Variants in HCN1 observed in about 807,000 individuals in gnomAD.
HCN1 encodes hyperpolarization activated cyclic nucleotide gated potassium channel 1.
HCN1 carries 13 observed loss-of-function variants against 78.9 expected under a neutral mutation model. That is an observed-to-expected ratio of 0.16 (90% CI 0.11 to 0.26). HCN1 has a LOEUF of 0.26. Ranked by LOEUF, HCN1 falls within the 10% of genes least tolerant of loss-of-function variation. The pLI is 1.00. For missense variants in HCN1, 810 were observed against 1,154.3 expected (o/e 0.70, Z 4.32); for synonymous variants, 552 against 455.5 (o/e 1.21, Z -2.70).
intron 4 of HCN1, among the ~76,000 whole-genome samples, chr5:45,375,730 TTATGA>T (rs1343292575): frequency 8.5e-6 from 1 of 118,054 alleles, no homozygotes; most frequent in Non-Finnish European, 1.6e-5. Context: ...ATATCATATT[TTATGA>T]TATATCTTAT....
intron 2 of HCN1, among the ~76,000 whole-genome samples, chr5:45,489,320 G>A (rs1405218638): frequency 1.3e-5 from 2 of 152,060 alleles, no homozygotes; most frequent in African/African-American, 4.8e-5. Context: ...GATAACTTGG[G>A]GTTAAGAGCC....
intron 1 of HCN1, among the ~76,000 whole-genome samples, chr5:45,682,106 A>G (rs1220752971): frequency 6.6e-6 from 1 of 151,986 alleles, no homozygotes; most frequent in Non-Finnish European, 1.5e-5. Flanking sequence ...TGTGACAAGC[A>G]GACTCACACC....
intron 3 of HCN1, among the ~76,000 whole-genome samples, chr5:45,459,283 G>C (rs975918491): frequency 6.6e-6 from 1 of 151,236 alleles, no homozygotes; most frequent in Non-Finnish European, 1.5e-5. Context: ...ATAAGTTATG[G>C]CTTTTATATT....
intron 2 of HCN1, among the ~76,000 whole-genome samples, chr5:45,486,151 C>T (rs1181281533): frequency 3.3e-5 from 5 of 152,086 alleles, no homozygotes; most frequent in African/African-American, 1.2e-4. Flanking sequence ...CTCTATTTGG[C>T]ATGTAAGACA....
chr5:45,466,552 T>C (rs1232849510), intron 2 of HCN1, among the ~76,000 whole-genome samples: 1 of 152,146 alleles, frequency 6.6e-6, no homozygotes, highest in African/African-American at 2.4e-5. Context: ...GATTCTTCTG[T>C]TTCTCTTTAT....
At chr5:45,466,740 C>T (rs978119575) in intron 2 of HCN1, among the ~76,000 whole-genome samples, 3 of 152,028 alleles carry the variant, frequency 2.0e-5, no homozygotes, top group African/African-American at 7.2e-5. Flanking sequence ...CCTATTATAC[C>T]TCTGTGATTC....
chr5:45,323,959 A>C (rs999170949), intron 5 of HCN1, among the ~76,000 whole-genome samples: 3 of 151,918 alleles, frequency 2.0e-5, no homozygotes, highest in Non-Finnish European at 2.9e-5. Context: ...CCAGTCTATC[A>C]TTGTTGGACA....
intron 1 of HCN1, among the ~76,000 whole-genome samples, chr5:45,675,171 T>G (rs1746241979): frequency 6.6e-6 from 1 of 151,736 alleles, no homozygotes; most frequent in South Asian, 2.1e-4. Flanking sequence ...CTACAGATAA[T>G]GTGTAGAACC....
chr5:45,420,663 CTT>C (rs1163705504), intron 3 of HCN1, among the ~76,000 whole-genome samples: 1 of 152,164 alleles, frequency 6.6e-6, no homozygotes, highest in East Asian at 1.9e-4. Context: ...AACATAAAGT[CTT>C]TTTTTATTTC....
intron 4 of HCN1, among the ~76,000 whole-genome samples, chr5:45,383,526 C>T (rs1377265566): frequency 6.6e-6 from 1 of 152,100 alleles, no homozygotes; most frequent in Non-Finnish European, 1.5e-5. Flanking sequence ...GAAATCCCAT[C>T]TCTACTAAAA....
At chr5:45,535,891 C>G (rs1430979832) in intron 2 of HCN1, among the ~76,000 whole-genome samples, 1 of 152,138 alleles carries the variant, frequency 6.6e-6, no homozygotes, top group Non-Finnish European at 1.5e-5. Flanking sequence ...ACAAGGGTCT[C>G]TTAATGAAAA....
At chr5:45,673,676 T>G (rs1405917) in intron 1 of HCN1, among the ~76,000 whole-genome samples, 41,126 of 151,310 alleles carry the variant, frequency 0.27, 5,678 homozygotes, top group East Asian at 0.33. Context: ...GTATCACAAG[T>G]AGGGGTTAGA....
At chr5:45,378,446 T>C (rs1287067949) in intron 4 of HCN1, among the ~76,000 whole-genome samples, 1 of 152,092 alleles carries the variant, frequency 6.6e-6, no homozygotes, top group Non-Finnish European at 1.5e-5. Context: ...ATGTTCCATG[T>C]GAGTTTGAGA....
In HCN1 at chr5:45,480,945, T is replaced by C. The variant is rs144250346; in HGVS notation, c.850-18938A>G. On this transcript the variant is annotated intron_variant, in intron 2 of 7. Coordinates refer to ENST00000303230, the MANE Select transcript of HCN1 (RefSeq NM_021072.4). ...ATATGAATTTTGAAAATTATAATTC[T>C]ACACATTCAGAAAGCCCTAACCTAG... Among the ~76,000 whole-genome samples the C allele has an allele frequency of 7.2e-3, 1,101 of 152,328 alleles. 12 individuals carry two copies. Among genetic ancestry groups the C allele is most frequent in the African/African-American group, 0.025 (1,056 of 41,576 alleles).
chr5:45,290,461 GATATTA>G (rs1407290843), intron 6 of HCN1, among the ~76,000 whole-genome samples: 1 of 151,916 alleles, frequency 6.6e-6, no homozygotes, highest in Non-Finnish European at 1.5e-5. Flanking sequence ...TACTAAGTAA[GATATTA>G]CTGAAACACT....
intron 2 of HCN1, among the ~76,000 whole-genome samples, chr5:45,623,497 A>G (rs986065592): frequency 2.6e-5 from 4 of 152,200 alleles, no homozygotes; most frequent in Admixed American, 6.5e-5. Flanking sequence ...CAAGTACTAC[A>G]ATAATAGTAT....
chr5:45,445,483 G>T (rs1479194862), intron 3 of HCN1, among the ~76,000 whole-genome samples: 4 of 152,212 alleles, frequency 2.6e-5, no homozygotes, highest in African/African-American at 9.6e-5. Context: ...AAAGACAGTA[G>T]TAACCTCTGC....
chr5:45,364,429 T>C (rs1159371351), intron 4 of HCN1, among the ~76,000 whole-genome samples: 1 of 151,174 alleles, frequency 6.6e-6, no homozygotes, highest in Non-Finnish European at 1.5e-5. Flanking sequence ...TTTTCCTGCA[T>C]GTCTTCAAGT....
intron 6 of HCN1, among the ~76,000 whole-genome samples, chr5:45,301,722 TAAAAA>T (rs34604835): frequency 1.5e-5 from 2 of 130,258 alleles, no homozygotes; most frequent in Non-Finnish European, 3.3e-5. Flanking sequence ...CCCTGTCATT[TAAAAA>T]AAAAAAAAAA....
Sources: gnomAD v4.1 joint callset for allele counts (sites outside exome capture counted in the v4.1 genomes callset) on GRCh38, gnomAD v4.1.1 for gene constraint, MANE v1.5 for transcripts, NCBI Gene and HGNC (gene_info 2026-07-23, HGNC 2026-07-21) for gene names.